Variants in MTRFR observed in about 807,000 individuals in gnomAD.
The protein encoded by MTRFR is mitochondrial translation release factor in rescue.
In MTRFR, 10 loss-of-function variants were observed where a neutral mutation model predicts 11.9. The ratio of observed to expected loss-of-function variants is 0.84; its 90% CI spans 0.52 to 1.42. The LOEUF (loss-of-function observed/expected upper bound fraction) is 1.42. MTRFR is among the 40% of genes most tolerant of loss of function. The pLI is 0.00. For missense variants in MTRFR, 196 were observed against 197.9 expected (o/e 0.99, Z 0.06); for synonymous variants, 77 against 79.1 (o/e 0.97, Z 0.14).
At chr12:123,246,912 G>A (rs1388346191) in intron 1 of MTRFR, among the ~76,000 whole-genome samples, 3 of 151,538 alleles carry the variant, frequency 2.0e-5, no homozygotes, top group Admixed American at 6.6e-5. Flanking sequence ...TGTATTTTTA[G>A]TAGAGACAGG....
chr12:123,234,649 G>T (rs2047809055), intron 1 of MTRFR, among the ~76,000 whole-genome samples: 1 of 152,106 alleles, frequency 6.6e-6, no homozygotes, highest in African/African-American at 2.4e-5. Context: ...CTCCTGCCTC[G>T]GCCACCCAAA....
chr12:123,242,118 C>A (rs1378447840), intron 1 of MTRFR, among the ~76,000 whole-genome samples: 1 of 152,194 alleles, frequency 6.6e-6, no homozygotes, highest in African/African-American at 2.4e-5. Context: ...AATTAATGTT[C>A]CCTTTTGTAA....
Position 123,244,930 on chromosome 12 carries a change from A to ATTTTTTTTTTTTT in MTRFR, c.-28-8699_-28-8687dup, listed in dbSNP as rs544105176. 1.1e-4 allele frequency among the ~76,000 whole-genome samples: 7 copies of ATTTTTTTTTTTTT among 65,094 alleles called. 1 individual carries two copies. The highest frequency in any genetic ancestry group is 1.2e-4 in the Non-Finnish European group (5 of 40,470). 42.7% of individuals were successfully genotyped at this position (65,094 alleles called of 152,430 possible). ...ACAGGTATGAGCCACCGCACCCGGC[A>ATTTTTTTTTTTTT]TTTTTTTTTTTTTTTTTTTTTTTTT... On this transcript the variant is annotated intron_variant, in intron 1 of 2. Transcript: ENST00000253233.
intron 1 of MTRFR, 167 bp downstream of exon 1, chr12:123,233,698 T>A (rs2047772275): frequency 6.6e-6 from 1 of 152,090 alleles, no homozygotes; most frequent in Admixed American, 6.6e-5. Context: ...GGGCCGGCCG[T>A]GACACCCGAG....
intron 1 of MTRFR, among the ~76,000 whole-genome samples, chr12:123,253,217 T>C (rs1045128755): frequency 6.6e-6 from 1 of 151,200 alleles, no homozygotes; most frequent in Non-Finnish European, 1.5e-5. Context: ...AATTTTTGTA[T>C]TTTTAGTAGA....
Position 123,253,849 on chromosome 12 carries a change from G to A in MTRFR, c.175G>A (p.Glu59Lys). ...TGCACTGCTTTCCTTGGATGAGAAT[G>A]AACTCGAAGAGCAGTTTGTGAAAGG... Reference protein sequence around the residue: ...YPALLSLDENELEEQFVKGHG... With the variant: ...YPALLSLDENKLEEQFVKGHG... The change falls in exon 2 of 3, where the codon GAA becomes AAA. Residue 59 changes from glutamate to lysine, a missense_variant. Glu to Lys is a moderately conservative substitution (Grantham distance 56). Transcript: ENST00000253233. 1.2e-6 allele frequency: 2 copies of A among 1,614,184 alleles called. No homozygotes were observed. The highest frequency in any genetic ancestry group is 1.3e-5 in the African/African-American group (1 of 75,050).
At chr12:123,252,713 T>G (rs919684086) in intron 1 of MTRFR, among the ~76,000 whole-genome samples, 10 of 151,866 alleles carry the variant, frequency 6.6e-5, no homozygotes, top group African/African-American at 2.4e-4. Context: ...TCACCTGAGG[T>G]CAGGAATTCG....
intron 1 of MTRFR, among the ~76,000 whole-genome samples, chr12:123,239,281 G>A (rs1389927035): frequency 1.3e-5 from 2 of 152,090 alleles, no homozygotes; most frequent in Non-Finnish European, 2.9e-5. Context: ...ATAATAAAAC[G>A]TTGATCACGT....
At chr12:123,256,387 C>T (rs1467946085) in intron 2 of MTRFR, among the ~76,000 whole-genome samples, 3 of 152,162 alleles carry the variant, frequency 2.0e-5, no homozygotes, top group Non-Finnish European at 4.4e-5. Context: ...GGACACAGGG[C>T]AGAGGCAGGA....
At position 123,246,709 on chromosome 12, in the gene MTRFR, A is replaced by ATTTTTTTTTTTTTTT. The variant is rs1157677577; in HGVS notation, c.-28-6913_-28-6899dup. The stretch of plus-strand genomic sequence containing the variant: ...TGAGAGAGTGCTTGATATAATTTCA[A>ATTTTTTTTTTTTTTT]TTTTTTTTTTTTTTTTTTTTTTTTT... On this transcript the variant is annotated intron_variant, in intron 1 of 2. Transcript: ENST00000253233. 3.7e-5 allele frequency among the ~76,000 whole-genome samples: 2 copies of ATTTTTTTTTTTTTTT among 53,456 alleles called. 1 individual carries two copies. Among genetic ancestry groups the ATTTTTTTTTTTTTTT allele is most frequent in the African/African-American group, 1.9e-4 (2 of 10,638 alleles). The allele number at this position is 53,456 out of a possible 152,430, so 35.1% of individuals were successfully genotyped here.
At chr12:123,243,410 G>T (rs2047977098) in intron 1 of MTRFR, among the ~76,000 whole-genome samples, 1 of 152,052 alleles carries the variant, frequency 6.6e-6, no homozygotes, top group Non-Finnish European at 1.5e-5. Context: ...GATGCCTGTA[G>T]TCCCAGCTAC....
rs749249316 is a variant in MTRFR at position 123,257,042 on chromosome 12, A to G, written c.*11A>G. 11 of 1,600,106 alleles carry G rather than the reference A, an allele frequency of 6.9e-6. No individual in the cohort carries two copies. Among genetic ancestry groups the G allele is most frequent in the South Asian group, 3.3e-5 (3 of 90,406 alleles). On this transcript the variant is annotated 3_prime_UTR_variant, in exon 3 of 3. Coordinates refer to ENST00000253233, the MANE Select transcript of MTRFR (RefSeq NM_152269.5). Reference sequence around the variant, plus strand: ...AAAAAGGTCCACTGAGAAAAGAATTAGAGATTCCAACTGACAGAATCTGCC... The same window carrying G: ...AAAAAGGTCCACTGAGAAAAGAATTGGAGATTCCAACTGACAGAATCTGCC...
At chr12:123,234,986 T>C (rs2047819815) in intron 1 of MTRFR, among the ~76,000 whole-genome samples, 1 of 152,214 alleles carries the variant, frequency 6.6e-6, no homozygotes, top group Non-Finnish European at 1.5e-5. Context: ...TAAAATAATT[T>C]ACAAGCCACT....
intron 2 of MTRFR, among the ~76,000 whole-genome samples, chr12:123,256,146 GCTGA>G (rs1338166687): frequency 2.0e-5 from 3 of 152,236 alleles, no homozygotes; most frequent in South Asian, 4.1e-4. Flanking sequence ...ATGAGTTATG[GCTGA>G]CTAATAATAA....
At chr12:123,253,348 A>G (rs1465122677) in intron 1 of MTRFR, 1 of 352,378 alleles carries the variant, frequency 2.8e-6, no homozygotes, top group Non-Finnish European at 5.5e-6. Context: ...TGAATTTCAC[A>G]CTCAAAACCT....
chr12:123,247,674 G>A (rs990834775), intron 1 of MTRFR, among the ~76,000 whole-genome samples: 1 of 152,158 alleles, frequency 6.6e-6, no homozygotes, highest in African/African-American at 2.4e-5. Context: ...AGCTGGGCAC[G>A]GTGGCTCATG....
At chr12:123,256,315 A>G (rs960681643) in intron 2 of MTRFR, among the ~76,000 whole-genome samples, 1 of 152,222 alleles carries the variant, frequency 6.6e-6, no homozygotes, top group Non-Finnish European at 1.5e-5. Context: ...CTTCTAAACA[A>G]AATAGCACTC....
At position 123,233,440 on chromosome 12, in the gene MTRFR, G is replaced by T. The variant is rs1425377889; in HGVS notation, c.-120G>T. ...AAACCGCGATCGGAGTACGGCGCGTGCGCAGATCAGGGATCGCGATTGCGA... is the reference window on the plus strand; with the variant it reads ...AAACCGCGATCGGAGTACGGCGCGTTCGCAGATCAGGGATCGCGATTGCGA... On this transcript the variant is annotated 5_prime_UTR_variant, in exon 1 of 3. Coordinates refer to ENST00000253233, the MANE Select transcript of MTRFR (RefSeq NM_152269.5). The T allele has an allele frequency of 2.6e-5, 4 of 152,320 alleles. No individual in the cohort carries two copies. Among genetic ancestry groups the T allele is most frequent in the African/African-American group, 9.6e-5 (4 of 41,470 alleles). The allele number at this position is 152,320 out of a possible 1,614,324, so 9.4% of individuals were successfully genotyped here. A position where few individuals can be genotyped will look rare whatever the true frequency, so the allele number is the denominator to read the frequency against.
chr12:123,249,171 A>G (rs1390496473), intron 1 of MTRFR: 1 of 152,298 alleles, frequency 6.6e-6, no homozygotes, highest in African/African-American at 2.4e-5. Flanking sequence ...AGCTAGACAC[A>G]AAGTGCTGAC....
Sources: allele counts gnomAD v4.1 joint callset (sites outside exome capture counted in the v4.1 genomes callset), GRCh38; gene constraint gnomAD v4.1.1; transcripts MANE v1.5; gene names NCBI Gene and HGNC (gene_info 2026-07-23, HGNC 2026-07-21).